CNTN4: variants seen among roughly 807,000 people sequenced by gnomAD.
CNTN4 encodes contactin 4.
A neutral mutation model predicts 122.5 loss-of-function variants in CNTN4; 77 were observed. The observed-to-expected ratio is 0.63, with a 90% CI of 0.52 to 0.76. The LOEUF is 0.76. CNTN4 is among the 30% of genes least tolerant of loss of function. CNTN4 has a pLI of 0.00. For synonymous variants in CNTN4, 512 were observed against 447.0 expected, an observed-to-expected ratio of 1.15 and a Z score of -1.83; for missense variants, 1,256 against 1,259.1, an observed-to-expected ratio of 1.00 and a Z score of 0.04.
chr3:2,467,750 C>G (rs764685323), intron 3 of CNTN4, among the ~76,000 whole-genome samples: 9 of 152,102 alleles, frequency 5.9e-5, no homozygotes, highest in Admixed American at 2.0e-4. Context: ...AGATAATAAT[C>G]TTTTAAAATC....
intron 4 of CNTN4, among the ~76,000 whole-genome samples, chr3:2,672,964 A>G (rs1244190218): frequency 6.6e-6 from 1 of 152,198 alleles, no homozygotes; most frequent in Non-Finnish European, 1.5e-5. Flanking sequence ...TTGCATTGCA[A>G]TTTGATAACT....
chr3:2,180,241 G>A (rs368011545), intron 2 of CNTN4, among the ~76,000 whole-genome samples: 1 of 151,942 alleles, frequency 6.6e-6, no homozygotes, highest in African/African-American at 2.4e-5. Flanking sequence ...GATAGGGATG[G>A]AACTAACATT....
intron 3 of CNTN4, among the ~76,000 whole-genome samples, chr3:2,558,862 T>C (rs775813959): frequency 4.0e-4 from 61 of 152,198 alleles, no homozygotes; most frequent in Non-Finnish European, 1.3e-4. Flanking sequence ...AAATGATCAC[T>C]CTATCTCATT....
intron 4 of CNTN4, among the ~76,000 whole-genome samples, chr3:2,574,377 C>A (rs1266333948): frequency 6.6e-6 from 1 of 152,160 alleles, no homozygotes; most frequent in Non-Finnish European, 1.5e-5. Context: ...TAGTGACTCT[C>A]ACATATGCCT....
chr3:2,933,706 T>C (rs898210293), intron 13 of CNTN4, among the ~76,000 whole-genome samples: 1 of 152,186 alleles, frequency 6.6e-6, no homozygotes, highest in Non-Finnish European at 1.5e-5. Flanking sequence ...TTTTATTCCG[T>C]TCTTTAACAC....
intron 2 of CNTN4, among the ~76,000 whole-genome samples, chr3:2,156,542 A>C (rs1249741526): frequency 6.6e-6 from 1 of 152,196 alleles, no homozygotes; most frequent in Non-Finnish European, 1.5e-5. Context: ...GGACATCAAG[A>C]GATAAATCGG....
chr3:2,525,345 A>G (rs1559637273), intron 3 of CNTN4, among the ~76,000 whole-genome samples: 2 of 152,166 alleles, frequency 1.3e-5, no homozygotes, highest in Non-Finnish European at 2.9e-5. Flanking sequence ...TTCTGCAAAA[A>G]TTGTCTTTCT....
rs1483595014 is a variant in CNTN4, at chr3:2,234,393, A to G, written c.-144-104785A>G. Among the ~76,000 whole-genome samples the G allele has an allele frequency of 3.4e-5, 5 of 145,344 alleles. No homozygotes were observed. In the East Asian group the frequency reaches 6.1e-4, roughly 18 times the overall value. ...CTCAAAAAAAAAAAAAAAAAAAAAGAGGAAGTTTTCATTGCGTCTGGCTAA... is the reference window on the plus strand; with the variant it reads ...CTCAAAAAAAAAAAAAAAAAAAAAGGGGAAGTTTTCATTGCGTCTGGCTAA... On this transcript the variant is annotated intron_variant, in intron 2 of 24. Transcript: ENST00000418658.
At chr3:2,907,462 A>G (rs548037244) in intron 12 of CNTN4, among the ~76,000 whole-genome samples, 2 of 152,186 alleles carry the variant, frequency 1.3e-5, no homozygotes, top group East Asian at 3.9e-4. Context: ...CGTCCCAGCT[A>G]TCTGGGAGGC....
intron 2 of CNTN4, among the ~76,000 whole-genome samples, chr3:2,321,750 C>A (rs936998307): frequency 6.6e-6 from 1 of 151,944 alleles, no homozygotes; most frequent in African/African-American, 2.4e-5. Context: ...CATTTGTGGT[C>A]ACATAAACTT....
At chr3:2,376,195 A>G (rs1362868970) in intron 3 of CNTN4, among the ~76,000 whole-genome samples, 1 of 152,168 alleles carries the variant, frequency 6.6e-6, no homozygotes, top group Admixed American at 6.5e-5. Context: ...GACACCCATA[A>G]TCCATGTATC....
intron 4 of CNTN4, among the ~76,000 whole-genome samples, chr3:2,734,140 A>T (rs558628843): frequency 6.6e-6 from 1 of 152,238 alleles, no homozygotes; most frequent in Admixed American, 6.5e-5. Context: ...GGCTCACTGC[A>T]GCCTTGATCC....
At chr3:2,349,995 G>T (rs1211671230) in intron 3 of CNTN4, among the ~76,000 whole-genome samples, 1 of 152,156 alleles carries the variant, frequency 6.6e-6, no homozygotes, top group African/African-American at 2.4e-5. Context: ...CAGACTTAGA[G>T]CAATCCACCC....
rs549840407 is a variant in CNTN4, at chr3:2,134,344, T to C, written c.-145+33705T>C. On this transcript the variant is annotated intron_variant, in intron 2 of 24. Coordinates refer to ENST00000418658, the MANE Select transcript of CNTN4 (RefSeq NM_175607.3). ...GAGTCTCCTAGGTGATTTGAATTCG[T>C]ACCCCAGTCTGCATCTGAAAACTGC... Among the ~76,000 whole-genome samples, 290 of 152,316 alleles carry C rather than the reference T, an allele frequency of 1.9e-3. 1 individual carries two copies. Among genetic ancestry groups the C allele is most frequent in the African/African-American group, 6.7e-3 (277 of 41,570 alleles).
chr3:2,177,148 C>T lies in CNTN4; in HGVS notation c.-145+76509C>T, dbSNP rs893727055. On this transcript the variant is annotated intron_variant, in intron 2 of 24. Transcript: ENST00000418658. ...TGTATCCATTAAGGAATCATGAAAA[C>T]AAAAGTTTAAAGCAAGAATTGCTAA... Among the ~76,000 whole-genome samples, 4 of 152,002 alleles carry T rather than the reference C, an allele frequency of 2.6e-5. No homozygotes were observed. The South Asian group carries it at 8.3e-4, about 32-fold the overall frequency.
At chr3:2,361,053 C>G (rs1163202465) in intron 3 of CNTN4, among the ~76,000 whole-genome samples, 1 of 152,016 alleles carries the variant, frequency 6.6e-6, no homozygotes, top group Non-Finnish European at 1.5e-5. Flanking sequence ...TTAAGCAGTT[C>G]ATAAAGTAAG....
chr3:2,639,272 A>G (rs1047612013), intron 4 of CNTN4, among the ~76,000 whole-genome samples: 4 of 151,970 alleles, frequency 2.6e-5, no homozygotes, highest in African/African-American at 9.7e-5. Flanking sequence ...ATTTTCTTCT[A>G]TTCCTATTTA....
chr3:2,757,588 C>A (rs2090395679), intron 6 of CNTN4, among the ~76,000 whole-genome samples: 1 of 152,188 alleles, frequency 6.6e-6, no homozygotes. Context: ...CTAGTGAGGG[C>A]CAGCTTCCGT....
At chr3:2,309,014 G>A (rs966302724) in intron 2 of CNTN4, among the ~76,000 whole-genome samples, 2 of 151,956 alleles carry the variant, frequency 1.3e-5, no homozygotes, top group African/African-American at 2.4e-5. Context: ...GATCCTTTTT[G>A]ATCTTCTGTC....
Sources: gnomAD v4.1 joint callset for allele counts (sites outside exome capture counted in the v4.1 genomes callset) on GRCh38, gnomAD v4.1.1 for gene constraint, MANE v1.5 for transcripts, NCBI Gene and HGNC (gene_info 2026-07-23, HGNC 2026-07-21) for gene names.